Variants in PHF24 observed in about 807,000 individuals in gnomAD.
PHF24 encodes Galpha inhibitory interacting protein.
A neutral mutation model predicts 42.6 loss-of-function variants in PHF24; 25 were observed. The observed-to-expected ratio is 0.59, with a 90% confidence interval of 0.43 to 0.82. The LOEUF (loss-of-function observed/expected upper bound fraction) is 0.82. Ranked by LOEUF, PHF24 falls within the 40% of genes least tolerant of loss-of-function variation. PHF24 has a pLI of 0.00. For synonymous variants in PHF24, 185 were observed against 204.8 expected, an observed-to-expected ratio of 0.90 and a Z score of 0.83; for missense variants, 470 against 538.1, an observed-to-expected ratio of 0.87 and a Z score of 1.25.
the PHF24 span, among the ~76,000 whole-genome samples, chr9:34,702,382 G>A: frequency 1.3e-5 from 2 of 152,174 alleles, no homozygotes; most frequent in African/African-American, 2.4e-5. Context: ...GCAGAAGCTG[G>A]CGCTGGCTGC....
the PHF24 span, among the ~76,000 whole-genome samples, chr9:34,831,277 A>G: frequency 6.6e-6 from 1 of 152,176 alleles, no homozygotes; most frequent in African/African-American, 2.4e-5. Context: ...GGCACCAGGT[A>G]GATCCTGGGA....
At chr9:34,665,967 G>A in the PHF24 span, 2 of 481,052 alleles carry the variant, frequency 4.2e-6, no homozygotes, top group Non-Finnish European at 7.5e-6. Context: ...ATTTTCAGGG[G>A]CTGGGGTCAC....
At chr9:34,927,101 C>T in the PHF24 span, among the ~76,000 whole-genome samples, 1 of 152,188 alleles carries the variant, frequency 6.6e-6, no homozygotes, top group Admixed American at 6.5e-5. Flanking sequence ...AGGGGCCTCT[C>T]TCTCTTGTGG....
chr9:34,789,994 G>A, the PHF24 span, among the ~76,000 whole-genome samples: 38 of 152,092 alleles, frequency 2.5e-4, no homozygotes, highest in Non-Finnish European at 5.9e-5. Context: ...CTACAGGCAT[G>A]CGCCACCATG....
the PHF24 span, among the ~76,000 whole-genome samples, chr9:34,743,392 C>T: frequency 3.9e-4 from 59 of 152,328 alleles, no homozygotes; most frequent in African/African-American, 1.3e-3. Context: ...CCCTCTAGAG[C>T]GTCTTCTTCC....
At chr9:34,676,846 C>T in the PHF24 span, among the ~76,000 whole-genome samples, 1 of 152,116 alleles carries the variant, frequency 6.6e-6, no homozygotes, top group South Asian at 2.1e-4. Context: ...GCCACACGCT[C>T]TTAAACAGCT....
the PHF24 span, among the ~76,000 whole-genome samples, chr9:34,871,557 G>GT: frequency 6.6e-5 from 10 of 152,020 alleles, no homozygotes; most frequent in African/African-American, 2.2e-4. Flanking sequence ...ATCTTTTGGG[G>GT]TTTTTTAGGT....
chr9:34,807,807 C>T, the PHF24 span, among the ~76,000 whole-genome samples: 1 of 152,082 alleles, frequency 6.6e-6, no homozygotes, highest in African/African-American at 2.4e-5. Flanking sequence ...AGCGGTGCAT[C>T]TGATAATAAA....
At chr9:34,892,158 G>C in the PHF24 span, among the ~76,000 whole-genome samples, 1 of 152,292 alleles carries the variant, frequency 6.6e-6, no homozygotes, top group Non-Finnish European at 1.5e-5. Flanking sequence ...CATCCTCTAG[G>C]CAGTGGACAG....
At chr9:34,741,075 G>A in the PHF24 span, among the ~76,000 whole-genome samples, 3 of 151,898 alleles carry the variant, frequency 2.0e-5, no homozygotes, top group Non-Finnish European at 4.4e-5. Flanking sequence ...TAGTAGAGAC[G>A]GGGTTTCACC....
At chr9:34,668,011 C>G in the PHF24 span, among the ~76,000 whole-genome samples, 1 of 152,186 alleles carries the variant, frequency 6.6e-6, no homozygotes, top group East Asian at 1.9e-4. Context: ...ACTCATAGGA[C>G]AAAGTGCCCT....
the PHF24 span, among the ~76,000 whole-genome samples, chr9:34,680,244 G>C: frequency 2.0e-5 from 3 of 152,046 alleles, no homozygotes; most frequent in African/African-American, 4.8e-5. Flanking sequence ...GCATGGTGGG[G>C]GGTGCCTGAA....
chr9:34,727,872 C>A, the PHF24 span: 1 of 687,742 alleles, frequency 1.5e-6, no homozygotes, highest in Non-Finnish European at 2.4e-6. Context: ...CCACTCTTCC[C>A]TGGCAACCCT....
chr9:34,929,190 A>G, the PHF24 span, among the ~76,000 whole-genome samples: 3 of 152,182 alleles, frequency 2.0e-5, no homozygotes, highest in Non-Finnish European at 4.4e-5. Flanking sequence ...ACTGTCAATG[A>G]AAAGTGCTTC....
At chr9:34,726,698 A>G in the PHF24 span, 3 of 1,551,658 alleles carry the variant, frequency 1.9e-6, no homozygotes, top group South Asian at 1.2e-5. Flanking sequence ...TGACTGGGTT[A>G]AAGATTTCTG....
chr9:34,967,667 G>A (rs1054449875), intron 1 of PHF24, among the ~76,000 whole-genome samples: 8 of 152,152 alleles, frequency 5.3e-5, no homozygotes, highest in South Asian at 2.1e-4. Flanking sequence ...CATCGAACAC[G>A]CTGTTGCCCA....
the PHF24 span, among the ~76,000 whole-genome samples, chr9:34,710,822 A>G: frequency 6.6e-6 from 1 of 151,676 alleles, no homozygotes; most frequent in Non-Finnish European, 1.5e-5. Flanking sequence ...AGGTCTTGCT[A>G]TGTTGCCCAG....
At chr9:34,767,794 C>T in the PHF24 span, among the ~76,000 whole-genome samples, 13 of 152,242 alleles carry the variant, frequency 8.5e-5, no homozygotes, top group East Asian at 1.9e-4. Flanking sequence ...CCATCTTCTG[C>T]GTCGCTCACG....
At chr9:34,823,463 C>T in the PHF24 span, among the ~76,000 whole-genome samples, 2 of 152,250 alleles carry the variant, frequency 1.3e-5, no homozygotes, top group Non-Finnish European at 2.9e-5. Context: ...ACAGCACCTT[C>T]GGGTCCCATC....
Sources: allele counts gnomAD v4.1 joint callset (sites outside exome capture counted in the v4.1 genomes callset), GRCh38; gene constraint gnomAD v4.1.1; transcripts MANE v1.5; gene names NCBI Gene and HGNC (gene_info 2026-07-23, HGNC 2026-07-21).